FLNB: variants seen among roughly 807,000 people sequenced by gnomAD.
FLNB encodes filamin-B.
In FLNB, 111 loss-of-function variants were observed where a neutral mutation model predicts 250.6. That is an observed-to-expected ratio of 0.44 (90% CI 0.38 to 0.52). FLNB has a LOEUF of 0.52. Ranked by LOEUF, FLNB falls within the 20% of genes least tolerant of loss-of-function variation. The pLI is 0.00. For synonymous variants in FLNB, 1,302 were observed against 1,372.1 expected (o/e 0.95, Z 1.13); for missense variants, 2,869 against 3,447.8 (o/e 0.83, Z 4.20).
chr3:58,130,949 C>CCAGGCAGGGGCAGCTGTAACCCAGAGCA (rs2097306354), intron 25 of FLNB, 41 bp downstream of exon 25: 24 of 1,582,770 alleles, frequency 1.5e-5, no homozygotes, highest in Non-Finnish European at 1.8e-5. Context: ...TTCATCTGCC[C>CCAGGCAGGGGCAGCTGTAACCCAGAGCA]CAGGCAGGGG....
At chr3:58,114,081 G>C (rs192640778) in intron 18 of FLNB, among the ~76,000 whole-genome samples, 3 of 152,036 alleles carry the variant, frequency 2.0e-5, no homozygotes, top group Non-Finnish European at 4.4e-5. Flanking sequence ...GCATTCCACT[G>C]TATGTATATA....
chr3:58,087,742 G>C (rs1285546333), intron 4 of FLNB, among the ~76,000 whole-genome samples: 2 of 151,236 alleles, frequency 1.3e-5, no homozygotes, highest in Non-Finnish European at 2.9e-5. Context: ...GAGCCACTGC[G>C]CCCAGCCTTT....
chr3:58,108,469 C>G lies in FLNB; in HGVS notation c.1953C>G (p.Tyr651Ter), dbSNP rs754981255. The stretch of plus-strand genomic sequence containing the variant: ...TGCCTTTGCTTCAGGTTCGAGCATA[C>G]GGGCCAGGTTTGGAGAAATCTGGAT... ...GGYNPDLVRA[Y>*]GPGLEKSGCI... Residue 651 changes from tyrosine (Y) to a stop codon, truncating the protein, a stop_gained, in exon 13 of 46, where the codon TAC (tyrosine) becomes TAG (stop). Coordinates refer to ENST00000295956, the MANE Select transcript of FLNB (RefSeq NM_001457.4). LOFTEE classifies it high-confidence loss of function. 1.2e-6 allele frequency: 2 copies of G among 1,611,896 alleles called. No individual in the cohort carries two copies. The highest frequency in any genetic ancestry group is 1.7e-6 in the Non-Finnish European group (2 of 1,178,016).
At chr3:58,035,610 C>T (rs2097136952) in intron 1 of FLNB, among the ~76,000 whole-genome samples, 1 of 152,128 alleles carries the variant, frequency 6.6e-6, no homozygotes, top group South Asian at 2.1e-4. Flanking sequence ...TGTAGCTCAA[C>T]CACAGTGACT....
intron 38 of FLNB, among the ~76,000 whole-genome samples, chr3:58,151,737 G>A (rs1280275828): frequency 6.6e-6 from 1 of 152,204 alleles, no homozygotes; most frequent in Non-Finnish European, 1.5e-5. Flanking sequence ...ATCAACCTTC[G>A]TTACTCATCT....
At chr3:58,044,420 G>A (rs1269507474) in intron 1 of FLNB, among the ~76,000 whole-genome samples, 1 of 149,496 alleles carries the variant, frequency 6.7e-6, no homozygotes, top group African/African-American at 2.5e-5. Context: ...AACATAAAGA[G>A]ACCCTGTCTC....
intron 3 of FLNB, 23 bp from the exon 4 acceptor site, chr3:58,081,606 C>T (rs1171729747): frequency 6.2e-7 from 1 of 1,612,652 alleles, no homozygotes; most frequent in East Asian, 2.2e-5. Flanking sequence ...TCTGGGTGTT[C>T]ATCCACCATG....
intron 11 of FLNB, among the ~76,000 whole-genome samples, chr3:58,106,073 G>A (rs1251953858): frequency 1.3e-5 from 2 of 152,036 alleles, no homozygotes; most frequent in Non-Finnish European, 2.9e-5. Context: ...TAAATATAGG[G>A]TATGCCTTCA....
Position 58,125,712 on chromosome 3 carries a change from A to G in FLNB, c.4030A>G (p.Asn1344Asp). Reference sequence around the variant, plus strand: ...ACCTGGATTGAAAGAGGCCTTTACCAACAAGCCCAATGTCTTCACCGTGGT... The same window carrying G: ...ACCTGGATTGAAAGAGGCCTTTACCGACAAGCCCAATGTCTTCACCGTGGT... The part of the protein sequence containing the change: ...QGPGLKEAFT[N>D]KPNVFTVVTR... Residue 1344 changes from asparagine (N) to aspartate (D), a missense_variant, in exon 23 of 46, where the codon AAC becomes GAC. By Grantham distance (23) the Asn-to-Asp change is conservative. This residue lies in a region of FLNB where 1,348 missense variants were observed against 1,466.7 expected (regional missense o/e 0.92). Transcript: ENST00000295956. 1.2e-6 allele frequency: 2 copies of G among 1,614,166 alleles called. No individual in the cohort carries two copies.
In FLNB at chr3:58,111,890, G is replaced by A. The variant is rs767624891; in HGVS notation, c.2575+9G>A. 7 of 1,610,732 alleles carry A rather than the reference G, an allele frequency of 4.3e-6. No homozygotes were observed. Among genetic ancestry groups the A allele is most frequent in the African/African-American group, 2.7e-5 (2 of 74,962 alleles). On this transcript the variant is annotated intron_variant, in intron 17 of 45. Coordinates refer to ENST00000295956, the MANE Select transcript of FLNB (RefSeq NM_001457.4). ...AGGGCTCAGCAAAGCAGGTAAGATG[G>A]CACGTCTAGGTTGTCCTGGGCCCCT...
rs75277188 is a variant in FLNB at position 58,105,400 on chromosome 3, G to C, written c.1747+184G>C. Among the ~76,000 whole-genome samples the C allele has an allele frequency of 0.012, 1,831 of 152,312 alleles. 40 individuals carry two copies. The highest frequency in any genetic ancestry group is 0.061 in the East Asian group (314 of 5,188). Reference sequence around the variant, plus strand: ...TGCAGTTGCCTCTGATACCAGCATTGATTCATTCAGGAGACCTTGAGGGCA... The same window carrying C: ...TGCAGTTGCCTCTGATACCAGCATTCATTCATTCAGGAGACCTTGAGGGCA... On this transcript the variant is annotated intron_variant, in intron 11 of 45. Transcript: ENST00000295956.
At chr3:58,092,641 G>A (rs1001108890) in intron 4 of FLNB, among the ~76,000 whole-genome samples, 4 of 152,022 alleles carry the variant, frequency 2.6e-5, no homozygotes, top group Non-Finnish European at 5.9e-5. Context: ...GTGAGACTTG[G>A]TCTCAAAACA....
In FLNB at chr3:58,138,461, C is replaced by G. The variant is rs1159024100; in HGVS notation, c.5041C>G (p.Pro1681Ala). The G allele has an allele frequency of 1.2e-6, 2 of 1,614,100 alleles. No individual in the cohort carries two copies. Among genetic ancestry groups the G allele is most frequent in the Non-Finnish European group, 1.7e-6 (2 of 1,180,040 alleles). ...TYDIFYTAAKPGTYVIYVRFG... is the reference protein window; with the variant it reads ...TYDIFYTAAKAGTYVIYVRFG... ...TGACATCTTCTACACAGCTGCCAAG[C>G]CGGGCACATATGTGATCTATGTGCG... The change falls in exon 29 of 46, where the codon CCG becomes GCG. Residue 1681 changes from proline to alanine, a missense_variant. Around this residue, in one of 5 missense-constraint regions of FLNB, gnomAD observed 1,084 missense variants for 1,315.5 expected, o/e 0.82. Transcript: ENST00000295956.
In FLNB at chr3:58,029,791, G is replaced by A. The variant is rs539828406; in HGVS notation, c.292+20935G>A. On this transcript the variant is annotated intron_variant, in intron 1 of 45. Coordinates refer to ENST00000295956, the MANE Select transcript of FLNB (RefSeq NM_001457.4). ...GCCTCCCAAAGTGCTGGGATTATAG[G>A]GGGGAGCCACTGCGTCCAGCCAAGA... Among the ~76,000 whole-genome samples, 16 of 152,258 alleles carry A rather than the reference G, an allele frequency of 1.1e-4. No individual in the cohort carries two copies. The South Asian group carries it at 3.3e-3, about 32-fold the overall frequency.
intron 1 of FLNB, among the ~76,000 whole-genome samples, chr3:58,062,976 G>A (rs771397886): frequency 1.3e-5 from 2 of 152,170 alleles, no homozygotes; most frequent in African/African-American, 4.8e-5. Context: ...TGGGACAGTC[G>A]TCAGGCAGTG....
Position 58,014,382 on chromosome 3 carries a change from C to T in FLNB, c.292+5526C>T, listed in dbSNP as rs76736196. Among the ~76,000 whole-genome samples, 16 of 152,324 alleles carry T rather than the reference C, an allele frequency of 1.1e-4. No homozygotes were observed. In the East Asian group the frequency reaches 2.5e-3, roughly 24 times the overall value. The stretch of plus-strand genomic sequence containing the variant: ...TCCAAGCTGGACAGGGAGCTCCAGG[C>T]GTCTGGTCATTCCAGCCTCCCACCC... On this transcript the variant is annotated intron_variant, in intron 1 of 45. Coordinates refer to ENST00000295956, the MANE Select transcript of FLNB (RefSeq NM_001457.4).
chr3:58,159,315 C>T (rs1004185534), intron 41 of FLNB, among the ~76,000 whole-genome samples: 10 of 152,116 alleles, frequency 6.6e-5, no homozygotes, highest in East Asian at 1.9e-4. Flanking sequence ...GTATCCAAGC[C>T]CAGAAATCAT....
chr3:58,048,417 C>T (rs971054940), intron 1 of FLNB, among the ~76,000 whole-genome samples: 14 of 152,150 alleles, frequency 9.2e-5, no homozygotes, highest in Non-Finnish European at 2.1e-4. Context: ...AGCTGGTCTT[C>T]GGCTGTAGAA....
At chr3:58,108,311 C>T in intron 12 of FLNB, 147 bp from the exon 13 acceptor site, 1 of 683,554 alleles carries the variant, frequency 1.5e-6, no homozygotes, top group Non-Finnish European at 2.7e-6. Flanking sequence ...TAGCACTTTA[C>T]TTCCCATAAC....
Sources: allele counts gnomAD v4.1 joint callset (sites outside exome capture counted in the v4.1 genomes callset), GRCh38; gene constraint gnomAD v4.1.1; regional missense constraint gnomAD v4.1.1; transcripts MANE v1.5; gene names NCBI Gene and HGNC (gene_info 2026-07-23, HGNC 2026-07-21).